Variants in NTRK3 observed in about 807,000 individuals in gnomAD.
NTRK3 encodes the protein NT-3 growth factor receptor.
Under a neutral mutation model 91.7 loss-of-function variants are expected in NTRK3, and 24 were observed. The observed-to-expected ratio is 0.26, with a 90% CI of 0.19 to 0.37. NTRK3 has a LOEUF of 0.37. Ranked by LOEUF, NTRK3 falls within the 10% of genes least tolerant of loss-of-function variation. The probability of loss-of-function intolerance (pLI) is 1.00; values close to 1 mark genes in which losing one functional copy is unlikely to be tolerated. For missense variants in NTRK3, 880 were observed against 1,068.9 expected, an observed-to-expected ratio of 0.82 and a Z score of 2.46; for synonymous variants, 483 against 404.0, an observed-to-expected ratio of 1.20 and a Z score of -2.34.
intron 3 of NTRK3, among the ~76,000 whole-genome samples, chr15:88,197,092 G>A (rs994494753): frequency 5.1e-4 from 8 of 15,570 alleles, no homozygotes; most frequent in Non-Finnish European, 9.3e-4. Flanking sequence ...GGTTGAGCAG[G>A]ACAAAAAAAA....
At chr15:88,159,744 T>A (rs1452242598) in intron 5 of NTRK3, among the ~76,000 whole-genome samples, 1 of 152,096 alleles carries the variant, frequency 6.6e-6, no homozygotes, top group Non-Finnish European at 1.5e-5. Context: ...AATAACCACA[T>A]AGGGGAATTC....
chr15:88,058,544 AT>A (rs1042599808), intron 13 of NTRK3, among the ~76,000 whole-genome samples: 6 of 152,150 alleles, frequency 3.9e-5, no homozygotes, highest in Non-Finnish European at 8.8e-5. Context: ...TAGTATTGGC[AT>A]TTTTTAACTT....
At chr15:88,150,905 G>T (rs1461352718) in intron 5 of NTRK3, among the ~76,000 whole-genome samples, 1 of 152,116 alleles carries the variant, frequency 6.6e-6, no homozygotes. Context: ...CACCCACTCG[G>T]AACTCATTGC....
chr15:88,008,343 C>T (rs140045947), intron 14 of NTRK3, among the ~76,000 whole-genome samples: 30 of 152,232 alleles, frequency 2.0e-4, no homozygotes, highest in African/African-American at 7.0e-4. Context: ...ATCTTAACCA[C>T]TCAGGGCTTC....
At chr15:88,064,047 A>G (rs940627512) in intron 13 of NTRK3, among the ~76,000 whole-genome samples, 7 of 152,242 alleles carry the variant, frequency 4.6e-5, no homozygotes, top group African/African-American at 1.7e-4. Context: ...CCTAAAGCCA[A>G]CAACAGATGT....
rs147458463 is a variant in NTRK3 at position 88,143,187 on chromosome 15, C to A, written c.464+4148G>T. Among the ~76,000 whole-genome samples the A allele has an allele frequency of 6.8e-3, 1,029 of 152,288 alleles. 50 individuals are homozygous for A. In the East Asian group the frequency reaches 0.13, roughly 20 times the overall value. ...GCAGTGAGCCAAGATCATGCCTCTG[C>A]ACTCTAGCCTGGGCTACAGAGTGAG... is the stretch of plus-strand genomic sequence containing the variant. On this transcript the variant is annotated intron_variant, in intron 6 of 18. Coordinates refer to ENST00000394480, the Ensembl canonical transcript of NTRK3.
At chr15:87,982,718 T>A (rs537242558) in intron 14 of NTRK3, among the ~76,000 whole-genome samples, 8 of 152,318 alleles carry the variant, frequency 5.3e-5, no homozygotes, top group Admixed American at 2.0e-4. Context: ...CAAGAGCTGG[T>A]TGAATCTCTA....
rs147009933 is a variant in NTRK3, at chr15:87,860,686, G to T, written c.*16249C>A. 3.3e-5 allele frequency: 7 copies of T among 209,794 alleles called. No individual in the cohort carries two copies. The East Asian group carries it at 4.3e-4, about 13-fold the overall frequency. The allele number at this position is 209,794 out of a possible 1,614,324, so 13.0% of individuals were successfully genotyped here. Reference sequence around the variant, plus strand: ...GAACAGCACCTCAAGGAGGAGATACGATTAGTAAAACCCAGTTCTACTAAA... The same window carrying T: ...GAACAGCACCTCAAGGAGGAGATACTATTAGTAAAACCCAGTTCTACTAAA... On this transcript the variant is annotated 3_prime_UTR_variant, in exon 19 of 19. Coordinates refer to ENST00000394480, the Ensembl canonical transcript of NTRK3.
intron 3 of NTRK3, among the ~76,000 whole-genome samples, chr15:88,245,002 C>A (rs908284993): frequency 2.0e-5 from 3 of 152,214 alleles, no homozygotes; most frequent in Non-Finnish European, 4.4e-5. Context: ...AAGGCTTTGC[C>A]TGGGACACTC....
intron 15 of NTRK3, among the ~76,000 whole-genome samples, chr15:87,938,741 A>G (rs2069529572): frequency 1.3e-5 from 2 of 152,188 alleles, no homozygotes; most frequent in African/African-American, 4.8e-5. Context: ...CCCGTGGATT[A>G]GTGTCATCCT....
intron 3 of NTRK3, among the ~76,000 whole-genome samples, chr15:88,223,050 T>C (rs1467337280): frequency 6.6e-6 from 1 of 151,284 alleles, no homozygotes. Context: ...GGCAGGAGGG[T>C]GGGCGGCAGG....
At chr15:88,074,074 G>A (rs188014198) in intron 13 of NTRK3, among the ~76,000 whole-genome samples, 27 of 152,184 alleles carry the variant, frequency 1.8e-4, no homozygotes, top group African/African-American at 6.5e-4. Context: ...ACCAGCCCCT[G>A]ATGAACACCG....
At chr15:88,096,165 C>T (rs2049573461) in intron 13 of NTRK3, among the ~76,000 whole-genome samples, 1 of 152,148 alleles carries the variant, frequency 6.6e-6, no homozygotes, top group Admixed American at 6.5e-5. Flanking sequence ...ATGCTGTTCT[C>T]CGAGATGCTA....
At chr15:88,116,780 T>TTATC (rs1240328992) in intron 13 of NTRK3, among the ~76,000 whole-genome samples, 1 of 152,208 alleles carries the variant, frequency 6.6e-6, no homozygotes, top group East Asian at 1.9e-4. Context: ...ACCGTTCATG[T>TTATC]TATCAGCCAT....
At chr15:88,253,739 TC>T (rs2053685529) in intron 3 of NTRK3, among the ~76,000 whole-genome samples, 1 of 152,016 alleles carries the variant, frequency 6.6e-6, no homozygotes, top group Non-Finnish European at 1.5e-5. Flanking sequence ...AGAATCCAAG[TC>T]CTGAAACAAG....
At chr15:88,123,578 A>T (rs946801351) in intron 13 of NTRK3, among the ~76,000 whole-genome samples, 1 of 152,226 alleles carries the variant, frequency 6.6e-6, no homozygotes, top group Non-Finnish European at 1.5e-5. Flanking sequence ...ATGGCCTGTG[A>T]CACAGCCCTC....
chr15:88,160,514 C>T (rs2044351912), intron 5 of NTRK3, among the ~76,000 whole-genome samples: 1 of 152,218 alleles, frequency 6.6e-6, no homozygotes, highest in Admixed American at 6.5e-5. Context: ...CAGCTCAGAC[C>T]TCCTGCCCTG....
chr15:87,909,720 T>C (rs143849756), intron 17 of NTRK3, among the ~76,000 whole-genome samples: 7 of 152,286 alleles, frequency 4.6e-5, no homozygotes, highest in Admixed American at 1.3e-4. Context: ...TTAAATGAGG[T>C]AACTAAGGTT....
rs140893952 is a variant in NTRK3, at chr15:88,168,554, C to T, written c.395+14864G>A. On this transcript the variant is annotated intron_variant, in intron 5 of 18. Transcript: ENST00000394480. ...ACAATAAATAAGGAGCACACGGTTG[C>T]TCTTTGCAAACACCACCCTTGCTGG... 5.7e-4 allele frequency among the ~76,000 whole-genome samples: 87 copies of T among 152,342 alleles called. 2 individuals carry two copies. In the East Asian group the frequency reaches 0.016, roughly 28 times the overall value.
Sources: allele counts gnomAD v4.1 joint callset (sites outside exome capture counted in the v4.1 genomes callset), GRCh38; gene constraint gnomAD v4.1.1; transcripts MANE v1.5; gene names NCBI Gene and HGNC (gene_info 2026-07-23, HGNC 2026-07-21).